HS3ST4: variants seen among roughly 807,000 people sequenced by gnomAD.
The protein encoded by HS3ST4 is heparan sulfate glucosamine 3-O-sulfotransferase 4.
HS3ST4 carries 17 observed loss-of-function variants against 29.2 expected under a neutral mutation model. The observed-to-expected ratio is 0.58, with a 90% CI of 0.40 to 0.87. The LOEUF (loss-of-function observed/expected upper bound fraction) is 0.87, where lower values mean the gene tolerates loss of function less well. HS3ST4 is among the 40% of genes least tolerant of loss of function. The probability of loss-of-function intolerance (pLI) is 0.00; values close to 1 mark genes in which losing one functional copy is unlikely to be tolerated. For missense variants in HS3ST4, 627 were observed against 634.5 expected (o/e 0.99, Z 0.13); for synonymous variants, 314 against 285.7 (o/e 1.10, Z -1.00).
At chr16:26,012,614 G>A (rs1258640647) in intron 1 of HS3ST4, among the ~76,000 whole-genome samples, 2 of 152,198 alleles carry the variant, frequency 1.3e-5, no homozygotes, top group African/African-American at 4.8e-5. Context: ...ACATGAGACA[G>A]TTAAATGGTG....
chr16:26,128,310 T>C (rs755275356), intron 1 of HS3ST4, among the ~76,000 whole-genome samples: 1 of 152,176 alleles, frequency 6.6e-6, no homozygotes, highest in African/African-American at 2.4e-5. Flanking sequence ...ATATACCCCA[T>C]AGTTGGTACG....
chr16:25,992,339 G>T (rs1413649243), intron 1 of HS3ST4, among the ~76,000 whole-genome samples: 1 of 152,228 alleles, frequency 6.6e-6, no homozygotes, highest in Non-Finnish European at 1.5e-5. Context: ...GATGTTCTAA[G>T]CTGAGACATG....
intron 1 of HS3ST4, among the ~76,000 whole-genome samples, chr16:26,120,081 GTGTGTGTGTGTA>G (rs1899255208): frequency 7.6e-6 from 1 of 131,372 alleles, no homozygotes; most frequent in East Asian, 2.3e-4. Context: ...ATGTGTGTGT[GTGTGTGTGTGTA>G]TATGTGTGTG....
rs1482402058 is a variant in HS3ST4 at position 25,692,644 on chromosome 16, C to A, written c.227C>A (p.Pro76Gln). ...TCGCCGGGCGCCGCCGCCGAGCCCC[C>A]GCCGAGCCCGCCGCCACCCTCTCTG... is the stretch of plus-strand genomic sequence containing the variant. ...QESPGAAAEP[P>Q]PSPPPPSLLP... Residue 76 changes from proline to glutamine, a missense_variant, in exon 1 of 2, where the codon CCG (proline) becomes CAG (glutamine). Pro to Gln is a moderately conservative substitution (Grantham distance 76, BLOSUM62 -1). Around this residue, in one of 2 missense-constraint regions of HS3ST4, gnomAD observed 402 missense variants for 340.8 expected, o/e 1.18. Transcript: ENST00000331351. 1 of 1,360,070 alleles carries A rather than the reference C, an allele frequency of 7.4e-7. No homozygotes were observed. The allele number at this position is 1,360,070 out of a possible 1,614,324, so 84.3% of individuals were successfully genotyped here. A position where few individuals can be genotyped will look rare whatever the true frequency, so the allele number is the denominator to read the frequency against.
intron 1 of HS3ST4, among the ~76,000 whole-genome samples, chr16:25,932,775 G>A (rs72782575): frequency 0.15 from 23,213 of 152,200 alleles, 1,871 homozygotes; most frequent in Middle Eastern, 0.18. Flanking sequence ...GCTTAAGAAG[G>A]TGAAAGGACT....
chr16:25,981,294 G>A (rs1394810682), intron 1 of HS3ST4, among the ~76,000 whole-genome samples: 4 of 151,916 alleles, frequency 2.6e-5, no homozygotes, highest in African/African-American at 9.7e-5. Context: ...CTGAGATCGT[G>A]CCATTGCACT....
chr16:25,880,725 G>C (rs1447181119), intron 1 of HS3ST4, among the ~76,000 whole-genome samples: 2 of 152,130 alleles, frequency 1.3e-5, no homozygotes, highest in Non-Finnish European at 2.9e-5. Context: ...GGAGTGCTTG[G>C]GTTGCTAAAT....
intron 1 of HS3ST4, among the ~76,000 whole-genome samples, chr16:26,117,513 T>C (rs190370992): frequency 1.3e-5 from 2 of 152,358 alleles, no homozygotes; most frequent in African/African-American, 4.8e-5. Context: ...AGACAGGCTA[T>C]TCCATGTTAT....
chr16:25,786,934 T>C (rs1356258374), intron 1 of HS3ST4, among the ~76,000 whole-genome samples: 1 of 152,236 alleles, frequency 6.6e-6, no homozygotes, highest in Non-Finnish European at 1.5e-5. Context: ...CAGATTCTCA[T>C]GGGAGGACCC....
In HS3ST4 at chr16:26,112,014, CA is replaced by C. The variant is rs33971867; in HGVS notation, c.735-23582del. On this transcript the variant is annotated intron_variant, in intron 1 of 1. Coordinates refer to ENST00000331351, the MANE Select transcript of HS3ST4 (RefSeq NM_006040.3). ...CCCGGCGACAGAGTGAGACTCCACT[CA>C]AAAAAAAAAAAAAAATTCTCTTTTG... Among the ~76,000 whole-genome samples the C allele has an allele frequency of 7.4e-3, 1,002 of 136,308 alleles. 14 individuals are homozygous for C. The highest frequency in any genetic ancestry group is 0.024 in the African/African-American group (862 of 36,302). 89.4% of individuals were successfully genotyped at this position (136,308 alleles called of 152,430 possible).
chr16:25,723,169 A>G (rs1318425516), intron 1 of HS3ST4, among the ~76,000 whole-genome samples: 2 of 152,218 alleles, frequency 1.3e-5, no homozygotes, highest in African/African-American at 4.8e-5. Context: ...CTACAATTCA[A>G]GATCAGATTT....
chr16:25,777,412 A>AGT (rs56191219), intron 1 of HS3ST4, among the ~76,000 whole-genome samples: 12,695 of 147,846 alleles, frequency 0.086, 554 homozygotes, highest in Non-Finnish European at 0.1. Context: ...AGCACACCAA[A>AGT]GTGTGTGTGT....
At chr16:26,038,654 T>TTATG (rs551652348) in intron 1 of HS3ST4, among the ~76,000 whole-genome samples, 20,801 of 149,688 alleles carry the variant, frequency 0.14, 1,591 homozygotes, top group East Asian at 0.24. Flanking sequence ...TTTTTTTTAA[T>TTATG]TATGTATGTA....
intron 1 of HS3ST4, among the ~76,000 whole-genome samples, chr16:25,982,047 C>G (rs535681593): frequency 1.4e-4 from 22 of 152,268 alleles, no homozygotes; most frequent in Admixed American, 3.9e-4. Flanking sequence ...CAGACACACA[C>G]ACAGACACAC....
chr16:25,729,173 C>T (rs987307088), intron 1 of HS3ST4, among the ~76,000 whole-genome samples: 5 of 152,080 alleles, frequency 3.3e-5, no homozygotes, highest in East Asian at 1.9e-4. Context: ...ACTCAGGAGC[C>T]GGGCTAAGAG....
At chr16:25,852,262 C>T (rs1238722777) in intron 1 of HS3ST4, among the ~76,000 whole-genome samples, 2 of 152,110 alleles carry the variant, frequency 1.3e-5, no homozygotes, top group East Asian at 1.9e-4. Context: ...TCCTTAAGTG[C>T]TTCTGAAAGT....
chr16:25,775,960 C>T (rs1966847229), intron 1 of HS3ST4, among the ~76,000 whole-genome samples: 1 of 152,178 alleles, frequency 6.6e-6, no homozygotes. Flanking sequence ...AGTTTGAAGT[C>T]TGGTTTCTGC....
At position 25,987,688 on chromosome 16, in the gene HS3ST4, G is replaced by A. The variant is rs915297144; in HGVS notation, c.735-147924G>A. On this transcript the variant is annotated intron_variant, in intron 1 of 1. Transcript: ENST00000331351. Reference sequence around the variant, plus strand: ...CTGATGTGGCCGCCAGTGTTCCCATGGCAGTGTCATTCTGTGGAGTCCTAC... The same window carrying A: ...CTGATGTGGCCGCCAGTGTTCCCATAGCAGTGTCATTCTGTGGAGTCCTAC... 2.6e-5 allele frequency among the ~76,000 whole-genome samples: 4 copies of A among 152,186 alleles called. No homozygotes were observed. The East Asian group carries it at 7.7e-4, about 29-fold the overall frequency.
At chr16:26,120,475 T>C (rs973844178) in intron 1 of HS3ST4, among the ~76,000 whole-genome samples, 11 of 152,322 alleles carry the variant, frequency 7.2e-5, no homozygotes, top group South Asian at 4.1e-4. Context: ...CGTTCTTCTG[T>C]CGTAGCCAAA....
Sources: gnomAD v4.1 joint callset for allele counts (sites outside exome capture counted in the v4.1 genomes callset) on GRCh38, gnomAD v4.1.1 for gene constraint, gnomAD v4.1.1 regional missense constraint, MANE v1.5 for transcripts, NCBI Gene and HGNC (gene_info 2026-07-23, HGNC 2026-07-21) for gene names.